The following SMURF1 variants were observed in gnomAD, a reference collection of about 807,000 sequenced individuals.
The protein encoded by SMURF1 is E3 ubiquitin-protein ligase SMURF1.
A neutral mutation model predicts 98.0 loss-of-function variants in SMURF1; 44 were observed. The ratio of observed to expected loss-of-function variants is 0.45; its 90% CI spans 0.35 to 0.58. The LOEUF (loss-of-function observed/expected upper bound fraction) is 0.58, where lower values mean the gene tolerates loss of function less well. Among genes scored for constraint, SMURF1 ranks in the 20% least tolerant of loss-of-function variants. The probability of loss-of-function intolerance (pLI) is 0.00; values close to 1 mark genes in which losing one functional copy is unlikely to be tolerated. For missense variants in SMURF1, 687 were observed against 938.4 expected (o/e 0.73, Z 3.50); for synonymous variants, 396 against 374.9 (o/e 1.06, Z -0.65).
intron 17 of SMURF1, chr7:99,030,953 C>G (rs547334535): frequency 1.2e-5 from 4 of 338,842 alleles, no homozygotes; most frequent in Non-Finnish European, 2.2e-5. Flanking sequence ...TCCTGCCTTG[C>G]CCTCTCAACG....
At chr7:99,102,882 A>C (rs1366398476) in intron 1 of SMURF1, among the ~76,000 whole-genome samples, 1 of 152,028 alleles carries the variant, frequency 6.6e-6, no homozygotes, top group Non-Finnish European at 1.5e-5. Context: ...GCTGGAGTAC[A>C]GCAGTGCGTC....
At chr7:99,088,610 T>G (rs555940880) in intron 1 of SMURF1, among the ~76,000 whole-genome samples, 7 of 152,062 alleles carry the variant, frequency 4.6e-5, no homozygotes, top group African/African-American at 1.4e-4. Context: ...ACACAGAGAA[T>G]CAAATGTCAA....
chr7:99,036,923 C>T, intron 15 of SMURF1, 144 bp downstream of exon 15: 2 of 1,228,226 alleles, frequency 1.6e-6, no homozygotes, highest in Non-Finnish European at 1.2e-6. Flanking sequence ...ACTCTTGCTC[C>T]AGCCCTGGCT....
chr7:99,049,870 A>G, intron 8 of SMURF1, 161 bp from the exon 9 acceptor site: 1 of 584,350 alleles, frequency 1.7e-6, no homozygotes, highest in South Asian at 2.9e-5. Flanking sequence ...ACCTCTACTC[A>G]GTCCAGGCCT....
chr7:99,046,876 C>T (rs1339797712), intron 10 of SMURF1, among the ~76,000 whole-genome samples: 1 of 152,120 alleles, frequency 6.6e-6, no homozygotes, highest in African/African-American at 2.4e-5. Flanking sequence ...CAGGGCTGGG[C>T]GCTGTGGCCA....
chr7:99,040,742 G>T (rs1463091433), intron 12 of SMURF1, among the ~76,000 whole-genome samples, 186 bp from the exon 13 acceptor site: 1 of 152,218 alleles, frequency 6.6e-6, no homozygotes, highest in Non-Finnish European at 1.5e-5. Flanking sequence ...AATTTGCCTA[G>T]ATTCGCTGGA....
chr7:99,046,201 CCT>C (rs1421927576), intron 10 of SMURF1, among the ~76,000 whole-genome samples: 1 of 152,102 alleles, frequency 6.6e-6, no homozygotes, highest in Non-Finnish European at 1.5e-5. Context: ...GAGTTCTGAG[CCT>C]CTCTTTATAT....
chr7:99,089,805 AT>A (rs1215946557), intron 1 of SMURF1, among the ~76,000 whole-genome samples: 8 of 152,316 alleles, frequency 5.3e-5, no homozygotes, highest in Admixed American at 2.0e-4. Flanking sequence ...AGAAGCCTAC[AT>A]TTTCAATCTG....
intron 1 of SMURF1, among the ~76,000 whole-genome samples, chr7:99,071,411 G>A (rs375610086): frequency 6.6e-6 from 1 of 152,074 alleles, no homozygotes; most frequent in Non-Finnish European, 1.5e-5. Flanking sequence ...TGAAGGAACC[G>A]TCATTTTTAC....
At chr7:99,082,017 G>C (rs372046272) in intron 1 of SMURF1, among the ~76,000 whole-genome samples, 1 of 152,152 alleles carries the variant, frequency 6.6e-6, no homozygotes, top group Non-Finnish European at 1.5e-5. Context: ...GGTTTTGATT[G>C]GCATGTCTCT....
At chr7:99,128,033 G>A (rs1797783897) in intron 1 of SMURF1, among the ~76,000 whole-genome samples, 1 of 152,008 alleles carries the variant, frequency 6.6e-6, no homozygotes, top group African/African-American at 2.4e-5. Flanking sequence ...TTTTTGTACT[G>A]TTCAGATGAA....
At position 99,143,827 on chromosome 7, in the gene SMURF1, C is replaced by A. The variant is rs1346343208; in HGVS notation, c.-47G>T. 6.7e-6 allele frequency: 10 copies of A among 1,493,924 alleles called. No individual in the cohort carries two copies. The highest frequency in any genetic ancestry group is 1.5e-5 in the African/African-American group (1 of 68,592). The allele number at this position is 1,493,924 out of a possible 1,614,324, so 92.5% of individuals were successfully genotyped here. ...CCGCGGATCCAGCGCCACCGCCCCC[C>A]AGCCCGGCCCGGCCCGGCCCCGCCG... On this transcript the variant is annotated 5_prime_UTR_variant, in exon 1 of 18. Coordinates refer to ENST00000361368, the MANE Select transcript of SMURF1 (RefSeq NM_181349.3).
rs1562999861 is a variant in SMURF1, at chr7:99,040,301, GCGCGCGCA to G, written c.1550+69_1550+76del. On this transcript the variant is annotated intron_variant, in intron 13 of 17. Transcript: ENST00000361368. ...CCCCAAAATACACACACACGCGCGC[GCGCGCGCA>G]CGCGCATACATACGATAGACGTGGT... 2,008 of 1,311,232 alleles carry G rather than the reference GCGCGCGCA, an allele frequency of 1.5e-3. 56 individuals carry two copies. In the South Asian group the frequency reaches 0.04, roughly 26 times the overall value. 81.2% of individuals were successfully genotyped at this position (1,311,232 alleles called of 1,614,324 possible). A position where few individuals can be genotyped will look rare whatever the true frequency, so the allele number is the denominator to read the frequency against.
intron 1 of SMURF1, among the ~76,000 whole-genome samples, chr7:99,103,580 CA>C (rs1797135035): frequency 6.6e-6 from 1 of 152,160 alleles, no homozygotes; most frequent in African/African-American, 2.4e-5. Flanking sequence ...CCAGACTCTA[CA>C]AACAAGAAAT....
intron 1 of SMURF1, among the ~76,000 whole-genome samples, chr7:99,097,668 C>T (rs1796985827): frequency 6.6e-6 from 1 of 152,172 alleles, no homozygotes; most frequent in South Asian, 2.1e-4. Flanking sequence ...AGTTACCCAG[C>T]CTGTGGTATT....
At position 99,120,825 on chromosome 7, in the gene SMURF1, C is replaced by T. The variant is rs1012190761; in HGVS notation, c.55+22901G>A. 6 of 149,876 alleles carry T rather than the reference C, an allele frequency of 4.0e-5. No individual in the cohort carries two copies. The South Asian group carries it at 6.3e-4, about 16-fold the overall frequency. 9.3% of individuals were successfully genotyped at this position (149,876 alleles called of 1,614,324 possible). On this transcript the variant is annotated intron_variant, in intron 1 of 17. Coordinates refer to ENST00000361368, the MANE Select transcript of SMURF1 (RefSeq NM_181349.3). Reference sequence around the variant, plus strand: ...GAAAGGGAGAAAAAAAAAAAAACAACTTTAAAATACAGATAAATGTGTCAT... The same window carrying T: ...GAAAGGGAGAAAAAAAAAAAAACAATTTTAAAATACAGATAAATGTGTCAT...
chr7:99,034,824 T>TA (rs774824643), intron 16 of SMURF1, among the ~76,000 whole-genome samples: 5 of 152,164 alleles, frequency 3.3e-5, no homozygotes, highest in African/African-American at 1.2e-4. Context: ...GAAATGGAAT[T>TA]AACCTCATTT....
intron 3 of SMURF1, 118 bp downstream of exon 3, chr7:99,060,481 G>A (rs994061572): frequency 5.2e-6 from 3 of 581,630 alleles, no homozygotes; most frequent in East Asian, 3.1e-5. Flanking sequence ...TTGGCCATCC[G>A]CTTTTGTTAT....
chr7:99,056,674 T>C (rs1228809237), intron 5 of SMURF1, among the ~76,000 whole-genome samples: 1 of 152,100 alleles, frequency 6.6e-6, no homozygotes, highest in Non-Finnish European at 1.5e-5. Flanking sequence ...CCTAAATCTT[T>C]CTGTACCCGA....
Sources: gnomAD v4.1 joint callset for allele counts (sites outside exome capture counted in the v4.1 genomes callset) on GRCh38, gnomAD v4.1.1 for gene constraint, MANE v1.5 for transcripts, NCBI Gene and HGNC (gene_info 2026-07-23, HGNC 2026-07-21) for gene names.